PPP1R8: variants seen among roughly 807,000 people sequenced by gnomAD.
PPP1R8 encodes the protein protein phosphatase 1 regulatory subunit 8.
In PPP1R8, 4 loss-of-function variants were observed where a neutral mutation model predicts 31.3. The observed-to-expected ratio is 0.13, with a 90% CI of 0.06 to 0.29. The LOEUF (loss-of-function observed/expected upper bound fraction) is 0.29. Among genes scored for constraint, PPP1R8 ranks in the 10% least tolerant of loss-of-function variants. PPP1R8 has a pLI of 1.00. For missense variants in PPP1R8, 254 were observed against 440.1 expected (o/e 0.58, Z 3.78); for synonymous variants, 170 against 169.7 (o/e 1.00, Z -0.01).
intron 4 of PPP1R8, among the ~76,000 whole-genome samples, chr1:27,842,342 C>CAA (rs567804256): frequency 1.5e-3 from 93 of 63,176 alleles, no homozygotes; most frequent in African/African-American, 4.4e-3. Context: ...AACTCCGTCT[C>CAA]AAAAAAAAAA....
In PPP1R8 at chr1:27,843,397, C is replaced by T. The variant is rs2089241509; in HGVS notation, c.637+67C>T. The T allele has an allele frequency of 6.9e-6, 11 of 1,595,466 alleles. 1 individual carries two copies. The East Asian group carries it at 2.5e-4, about 36-fold the overall frequency. ...TTGGCCCGGGCGCGGTGGCTCACGC[C>T]TGTAGTCCTAGCACTTTGGGAGGCC... On this transcript the variant is annotated intron_variant, in intron 5 of 6. Coordinates refer to ENST00000311772, the MANE Select transcript of PPP1R8 (RefSeq NM_014110.5).
chr1:27,833,124 T>C (rs1264052488), intron 2 of PPP1R8, among the ~76,000 whole-genome samples: 2 of 152,178 alleles, frequency 1.3e-5, no homozygotes, highest in Non-Finnish European at 2.9e-5. Context: ...CATGGAGTTG[T>C]GTAAACCGTG....
intron 5 of PPP1R8, among the ~76,000 whole-genome samples, 164 bp downstream of exon 5, chr1:27,843,494 T>TA (rs1404555455): frequency 4.6e-5 from 7 of 151,474 alleles, no homozygotes; most frequent in South Asian, 2.1e-4. Flanking sequence ...CCATCTCTAT[T>TA]AAAAAAAATA....
intron 5 of PPP1R8, among the ~76,000 whole-genome samples, chr1:27,844,117 C>T (rs1333234177): frequency 6.6e-6 from 1 of 151,898 alleles, no homozygotes; most frequent in Admixed American, 6.6e-5. Context: ...ATCCTCCCAC[C>T]TCAACCTCCT....
intron 6 of PPP1R8, among the ~76,000 whole-genome samples, chr1:27,847,601 C>T (rs2089298222): frequency 6.6e-6 from 1 of 151,458 alleles, no homozygotes; most frequent in Non-Finnish European, 1.5e-5. Context: ...TGTGGTGGCG[C>T]ATTCCTGTAG....
rs754331672 is a variant in PPP1R8 at position 27,843,168 on chromosome 1, G to A, written c.493-18G>A. 1.9e-6 allele frequency: 3 copies of A among 1,613,736 alleles called. No homozygotes were observed. The highest frequency in any genetic ancestry group is 1.1e-5 in the South Asian group (1 of 91,066). ...CTTTGTACTGACTGCTGTCTTTCCT[G>A]TATGAACCCTGGCTTAGAACCTGAC... On this transcript the variant is annotated intron_variant, in intron 4 of 6. Coordinates refer to ENST00000311772, the MANE Select transcript of PPP1R8 (RefSeq NM_014110.5).
At chr1:27,831,603 C>G (rs1394687116) in intron 1 of PPP1R8, among the ~76,000 whole-genome samples, 1 of 152,138 alleles carries the variant, frequency 6.6e-6, no homozygotes, top group East Asian at 1.9e-4. Flanking sequence ...TTGTTTGTTG[C>G]TTGTCTCTGT....
At chr1:27,841,958 C>T (rs766877554) in intron 4 of PPP1R8, among the ~76,000 whole-genome samples, 4 of 152,206 alleles carry the variant, frequency 2.6e-5, no homozygotes, top group Non-Finnish European at 5.9e-5. Context: ...AGACCAAATG[C>T]AATCATGTCC....
intron 2 of PPP1R8, among the ~76,000 whole-genome samples, chr1:27,835,109 T>TC (rs1553119341): frequency 6.6e-6 from 1 of 152,134 alleles, no homozygotes; most frequent in Non-Finnish European, 1.5e-5. Context: ...TCTTTTTTTT[T>TC]CCTCTCAAAG....
Position 27,830,859 on chromosome 1 carries a change from C to T in PPP1R8, c.24C>T (p.Gly8=), listed in dbSNP as rs1259048677. ...AGATGGCGGCAGCCGCGAACTCCGG[C>T]TCTAGCCTCCCGCTGTTCGACTGCC... The part of the protein sequence containing the change: MAAAANS[G]SSLPLFDCPT... Residue 8 remains glycine (G), a synonymous_variant, in exon 1 of 7, where the codon GGC becomes GGT. Transcript: ENST00000311772. The T allele has an allele frequency of 4.4e-6, 7 of 1,575,622 alleles. No homozygotes were observed. The highest frequency in any genetic ancestry group is 3.7e-5 in the Admixed American group (2 of 54,444).
chr1:27,839,527 CA>C (rs1465154315), intron 3 of PPP1R8, among the ~76,000 whole-genome samples: 1 of 151,806 alleles, frequency 6.6e-6, no homozygotes, highest in African/African-American at 2.4e-5. Flanking sequence ...GATTCTGTCT[CA>C]AAAAAATAAA....
intron 2 of PPP1R8, 70 bp from the exon 3 acceptor site, chr1:27,838,629 A>T: frequency 9.5e-7 from 1 of 1,055,244 alleles, no homozygotes; most frequent in Non-Finnish European, 1.3e-6. Flanking sequence ...AAGATTCTCT[A>T]TTTGGGAGAG....
chr1:27,834,868 A>G (rs991691332), intron 2 of PPP1R8, among the ~76,000 whole-genome samples: 5 of 152,088 alleles, frequency 3.3e-5, no homozygotes, highest in African/African-American at 1.2e-4. Context: ...AAGTAAAAAA[A>G]TTAGCCAGGT....
At position 27,836,581 on chromosome 1, in the gene PPP1R8, A is replaced by AT. The variant is rs377354182; in HGVS notation, c.118-2108dup. The stretch of plus-strand genomic sequence containing the variant: ...AGGCACCTGCCACCACGCCCGGCTA[A>AT]TTTTTTTTTTGTATTTTTAGTAGAG... On this transcript the variant is annotated intron_variant, in intron 2 of 6. Coordinates refer to ENST00000311772, the MANE Select transcript of PPP1R8 (RefSeq NM_014110.5). Among the ~76,000 whole-genome samples the AT allele has an allele frequency of 3.9e-3, 583 of 148,892 alleles. 8 individuals carry two copies. Among genetic ancestry groups the AT allele is most frequent in the Admixed American group, 0.03 (450 of 15,004 alleles).
In PPP1R8 at chr1:27,841,213, A is replaced by G. The variant is rs768012964; in HGVS notation, c.471A>G (p.Pro157=). The G allele has an allele frequency of 8.1e-6, 13 of 1,614,206 alleles. No homozygotes were observed. The highest frequency in any genetic ancestry group is 1.1e-5 in the Non-Finnish European group (13 of 1,180,040). Reference sequence around the variant, plus strand: ...AACTCAAGGGCTTACTGGGGCTTCCAGAGGAGGAAACTGAGCTTGATGTAA... The same window carrying G: ...AACTCAAGGGCTTACTGGGGCTTCCGGAGGAGGAAACTGAGCTTGATGTAA... ...DDELKGLLGL[P]EEETELDNLT... is the part of the protein sequence containing the mutation. Residue 157 remains proline (P), a synonymous_variant, in exon 4 of 7, where the codon CCA becomes CCG. Transcript: ENST00000311772.
At chr1:27,834,601 T>C in intron 2 of PPP1R8, 1 of 508,410 alleles carries the variant, frequency 2.0e-6, no homozygotes, top group Non-Finnish European at 3.9e-6. Flanking sequence ...GTCAAGAAGC[T>C]ACGGCTTTAG....
intron 2 of PPP1R8, among the ~76,000 whole-genome samples, chr1:27,837,375 G>A (rs1399516057): frequency 1.3e-5 from 2 of 151,244 alleles, no homozygotes; most frequent in Non-Finnish European, 1.5e-5. Context: ...AGCTTGTAGT[G>A]AGCCGAGATC....
At chr1:27,840,024 T>C (rs2089208205) in intron 3 of PPP1R8, among the ~76,000 whole-genome samples, 1 of 152,152 alleles carries the variant, frequency 6.6e-6, no homozygotes, top group Non-Finnish European at 1.5e-5. Flanking sequence ...CGCATGACTG[T>C]ACTCCAGTCT....
intron 4 of PPP1R8, among the ~76,000 whole-genome samples, chr1:27,842,567 G>A (rs1210682687): frequency 6.6e-6 from 1 of 152,082 alleles, no homozygotes; most frequent in Non-Finnish European, 1.5e-5. Flanking sequence ...GTACCAGAAA[G>A]GAATAATTTC....
Sources: gnomAD v4.1 joint callset for allele counts (sites outside exome capture counted in the v4.1 genomes callset) on GRCh38, gnomAD v4.1.1 for gene constraint, MANE v1.5 for transcripts, NCBI Gene and HGNC (gene_info 2026-07-23, HGNC 2026-07-21) for gene names.